The following WWOX variants were observed in gnomAD, a reference collection of about 807,000 sequenced individuals.
The protein encoded by WWOX is WW domain-containing oxidoreductase.
Under a neutral mutation model 46.2 loss-of-function variants are expected in WWOX, and 69 were observed. The observed-to-expected ratio is 1.49, with a 90% CI of 1.23 to 1.82. The LOEUF (loss-of-function observed/expected upper bound fraction) is 1.82. Ranked by LOEUF, WWOX falls within the 40% of genes most tolerant of loss-of-function variation. The pLI, the probability that WWOX is intolerant of heterozygous loss-of-function variation, is 0.00. For synonymous variants in WWOX, 359 were observed against 202.6 expected (o/e 1.77, Z -6.56); for missense variants, 919 against 542.6 (o/e 1.69, Z -6.89).
At chr16:79,120,217 G>A (rs1213606243) in intron 8 of WWOX, among the ~76,000 whole-genome samples, 1 of 152,186 alleles carries the variant, frequency 6.6e-6, no homozygotes. Flanking sequence ...GACAGGGAAT[G>A]TATCTCCTGA....
intron 8 of WWOX, among the ~76,000 whole-genome samples, chr16:79,031,688 A>G (rs996954433): frequency 2.0e-5 from 3 of 149,602 alleles, no homozygotes; most frequent in Non-Finnish European, 3.0e-5. Context: ...GAATGGTTAA[A>G]TAGTGGATGT....
At chr16:79,034,975 G>A (rs550132105) in intron 8 of WWOX, among the ~76,000 whole-genome samples, 8 of 152,128 alleles carry the variant, frequency 5.3e-5, no homozygotes, top group Non-Finnish European at 8.8e-5. Context: ...TAAATCAGAA[G>A]CAAAATCATT....
chr16:78,911,360 G>A (rs188254785), intron 8 of WWOX, among the ~76,000 whole-genome samples: 1 of 152,094 alleles, frequency 6.6e-6, no homozygotes, highest in Non-Finnish European at 1.5e-5. Context: ...GTACCCTCCT[G>A]CTGTTTTATT....
intron 8 of WWOX, among the ~76,000 whole-genome samples, chr16:78,804,477 C>G (rs997988104): frequency 6.6e-6 from 1 of 152,046 alleles, no homozygotes; most frequent in Non-Finnish European, 1.5e-5. Flanking sequence ...AATATTAACT[C>G]CATTAGTCAT....
intron 8 of WWOX, among the ~76,000 whole-genome samples, chr16:78,711,198 T>C (rs1304571753): frequency 2.0e-5 from 3 of 152,214 alleles, no homozygotes; most frequent in Non-Finnish European, 1.5e-5. Flanking sequence ...GAAGCAGATA[T>C]ATCTGGAAGC....
rs375879843 is a variant in WWOX, at chr16:79,076,349, T to C, written c.1057-135259T>C. Among the ~76,000 whole-genome samples the C allele has an allele frequency of 3.3e-5, 5 of 152,226 alleles. No homozygotes were observed. The East Asian group carries it at 5.8e-4, about 18-fold the overall frequency. On this transcript the variant is annotated intron_variant, in intron 8 of 8. Transcript: ENST00000566780. ...TTGGGCCTTCTTGGAAACCCTGAAA[T>C]GTAGCCTTTTCATCTTAATTCACAA...
intron 6 of WWOX, among the ~76,000 whole-genome samples, chr16:78,418,280 C>T (rs903378309): frequency 4.6e-5 from 7 of 151,702 alleles, no homozygotes; most frequent in Non-Finnish European, 7.4e-5. Context: ...AGGAGAATGG[C>T]GTGAACCCGG....
At chr16:78,870,841 G>C (rs1227072511) in intron 8 of WWOX, among the ~76,000 whole-genome samples, 1 of 152,140 alleles carries the variant, frequency 6.6e-6, no homozygotes, top group Non-Finnish European at 1.5e-5. Flanking sequence ...AGCTTAGGCA[G>C]TCTGCCCACC....
chr16:78,619,792 C>T (rs1052605841), intron 8 of WWOX, among the ~76,000 whole-genome samples: 1 of 151,816 alleles, frequency 6.6e-6, no homozygotes, highest in African/African-American at 2.4e-5. Flanking sequence ...GTCTGTGGTC[C>T]CAGCTACTCA....
chr16:79,054,007 A>G (rs2048217156), intron 8 of WWOX, among the ~76,000 whole-genome samples: 1 of 151,144 alleles, frequency 6.6e-6, no homozygotes, highest in Admixed American at 6.6e-5. Context: ...AAAAAAAATC[A>G]GAGCAGGACA....
At chr16:78,280,407 C>T (rs1231451028) in intron 5 of WWOX, among the ~76,000 whole-genome samples, 1 of 152,180 alleles carries the variant, frequency 6.6e-6, no homozygotes, top group African/African-American at 2.4e-5. Context: ...GAGAAACAAC[C>T]AGTCACTTGA....
At chr16:78,930,171 C>T (rs2045587487) in intron 8 of WWOX, among the ~76,000 whole-genome samples, 1 of 151,724 alleles carries the variant, frequency 6.6e-6, no homozygotes, top group Non-Finnish European at 1.5e-5. Context: ...AACTTGGGTC[C>T]TGAAAATTAC....
At chr16:79,133,252 C>G (rs1363671648) in intron 8 of WWOX, among the ~76,000 whole-genome samples, 2 of 152,184 alleles carry the variant, frequency 1.3e-5, no homozygotes, top group Non-Finnish European at 2.9e-5. Context: ...TGCCCTTCAT[C>G]TTCTGACCTT....
intron 8 of WWOX, among the ~76,000 whole-genome samples, chr16:78,541,884 A>C (rs1192923010): frequency 6.6e-6 from 1 of 152,128 alleles, no homozygotes. Context: ...TTGCTTTTGT[A>C]ATATGAAAAA....
rs567831422 is a variant in WWOX, at chr16:78,642,371, A to G, written c.1056+209619A>G. ...TCCAGATTCCTTGTTCTGTCCCTTTATGCTGACTTTCCTTTTTTGCTCAAA... is the reference window on the plus strand; with the variant it reads ...TCCAGATTCCTTGTTCTGTCCCTTTGTGCTGACTTTCCTTTTTTGCTCAAA... On this transcript the variant is annotated intron_variant, in intron 8 of 8. Transcript: ENST00000566780. Among the ~76,000 whole-genome samples, 16 of 152,302 alleles carry G rather than the reference A, an allele frequency of 1.1e-4. No homozygotes were observed. The South Asian group carries it at 3.1e-3, about 30-fold the overall frequency.
At chr16:78,822,160 G>T (rs1392316195) in intron 8 of WWOX, among the ~76,000 whole-genome samples, 2 of 151,988 alleles carry the variant, frequency 1.3e-5, no homozygotes, top group Non-Finnish European at 2.9e-5. Flanking sequence ...ACAGGTGTGA[G>T]CCACCATGCC....
chr16:79,187,817 C>G (rs968657200), intron 8 of WWOX, among the ~76,000 whole-genome samples: 2 of 152,246 alleles, frequency 1.3e-5, no homozygotes, highest in Non-Finnish European at 2.9e-5. Flanking sequence ...GCTGGGATTA[C>G]AGGCGTGAGC....
chr16:78,945,546 C>T (rs899263775), intron 8 of WWOX, among the ~76,000 whole-genome samples: 1 of 152,160 alleles, frequency 6.6e-6, no homozygotes, highest in Non-Finnish European at 1.5e-5. Context: ...GCCACTTCTG[C>T]CAAAATATGC....
chr16:78,446,403 C>G (rs74030264), intron 8 of WWOX, among the ~76,000 whole-genome samples: 13,114 of 152,096 alleles, frequency 0.086, 721 homozygotes, highest in East Asian at 0.2. Context: ...TGCTTTGACA[C>G]GAGATGTTGC....
Sources: allele counts gnomAD v4.1 joint callset (sites outside exome capture counted in the v4.1 genomes callset), GRCh38; gene constraint gnomAD v4.1.1; transcripts MANE v1.5; gene names NCBI Gene and HGNC (gene_info 2026-07-23, HGNC 2026-07-21).